Variants in CHD7 observed in about 807,000 individuals in gnomAD.
CHD7 encodes ATP-dependent chromatin remodeler CHD7.
In CHD7, 24 loss-of-function variants were observed where a neutral mutation model predicts 307.3. That is an observed-to-expected ratio of 0.08 (90% confidence interval 0.06 to 0.11). The LOEUF (loss-of-function observed/expected upper bound fraction) is 0.11. Among genes scored for constraint, CHD7 ranks in the 10% least tolerant of loss-of-function variants. The pLI, the probability that CHD7 is intolerant of heterozygous loss-of-function variation, is 1.00. For synonymous variants in CHD7, 1,363 were observed against 1,349.9 expected (o/e 1.01, Z -0.21); for missense variants, 3,106 against 3,727.1 (o/e 0.83, Z 4.34).
chr8:60,795,355 T>C (rs1811974410), intron 4 of CHD7, among the ~76,000 whole-genome samples: 1 of 152,226 alleles, frequency 6.6e-6, no homozygotes, highest in Non-Finnish European at 1.5e-5. Context: ...TTTGACTCTA[T>C]AATTAATAAG....
At position 60,822,584 on chromosome 8, in the gene CHD7, A is replaced by G; in HGVS notation, c.3039A>G (p.Lys1013=). ...CATTTCTCTATGAGATATATTTGAA[A>G]GGAATCCATGGCCCTTTTTTAGTAA... ...SITFLYEIYL[K]GIHGPFLVIA... is the part of the protein sequence containing the mutation. Residue 1013 remains lysine (K), a synonymous_variant, in exon 12 of 38, where the codon AAA becomes AAG. Transcript: ENST00000423902. 6.2e-7 allele frequency: 1 copy of G among 1,613,906 alleles called. No individual in the cohort carries two copies. Among genetic ancestry groups the G allele is most frequent in the Non-Finnish European group, 8.5e-7 (1 of 1,179,762 alleles).
rs1182352756 is a variant in CHD7, at chr8:60,851,072, C to T, written c.5575C>T (p.Pro1859Ser). The T allele has an allele frequency of 2.5e-6, 4 of 1,574,192 alleles. No individual in the cohort carries two copies. The highest frequency in any genetic ancestry group is 8.6e-7 in the Non-Finnish European group (1 of 1,158,730). ...DREDEDPEYKPTRTPFKDEID... is the reference protein window; with the variant it reads ...DREDEDPEYKSTRTPFKDEID... ...AGAAGATGAAGACCCAGAATATAAACCAACCAGAACACCGTTCAAAGATGA... is the reference window on the plus strand; with the variant it reads ...AGAAGATGAAGACCCAGAATATAAATCAACCAGAACACCGTTCAAAGATGA... Residue 1859 changes from proline (P) to serine (S), a missense_variant, in exon 27 of 38, where the codon CCA becomes TCA. Pro to Ser is a moderately conservative substitution (Grantham distance 74). Around this residue, in one of 10 missense-constraint regions of CHD7, gnomAD observed 1,030 missense variants for 1,165.4 expected, o/e 0.88. Coordinates refer to ENST00000423902, the MANE Select transcript of CHD7 (RefSeq NM_017780.4).
Position 60,856,029 on chromosome 8 carries a change from A to G in CHD7, c.6991A>G (p.Lys2331Glu), listed in dbSNP as rs1271202716. The change falls in exon 33 of 38, where the codon AAA (lysine) becomes GAA (glutamate). Residue 2331 changes from lysine (K) to glutamate (E), a missense_variant. Around this residue, in one of 10 missense-constraint regions of CHD7, gnomAD observed 1,030 missense variants for 1,165.4 expected, o/e 0.88. Transcript: ENST00000423902. ...DNICEAVLKG[K>E]WPVNRRQMFD... Reference sequence around the variant, plus strand: ...CATCTGTGAAGCAGTGTTGAAAGGCAAATGGCCAGTAAATAGGCGCCAGAT... The same window carrying G: ...CATCTGTGAAGCAGTGTTGAAAGGCGAATGGCCAGTAAATAGGCGCCAGAT... 2 of 1,611,726 alleles carry G rather than the reference A, an allele frequency of 1.2e-6. No individual in the cohort carries two copies. The highest frequency in any genetic ancestry group is 4.5e-5 in the East Asian group (2 of 44,856).
chr8:60,745,820 A>G (rs1289695332), intron 2 of CHD7, among the ~76,000 whole-genome samples: 1 of 152,118 alleles, frequency 6.6e-6, no homozygotes, highest in South Asian at 2.1e-4. Context: ...ACTTCTCTTT[A>G]CCTCAGATTT....
At chr8:60,770,974 C>A (rs1810680005) in intron 2 of CHD7, among the ~76,000 whole-genome samples, 2 of 152,190 alleles carry the variant, frequency 1.3e-5, no homozygotes, top group African/African-American at 4.8e-5. Flanking sequence ...AATCTTGATT[C>A]TTCTTATAAC....
At chr8:60,860,306 A>AC (rs778712049) in intron 34 of CHD7, among the ~76,000 whole-genome samples, 10 of 152,250 alleles carry the variant, frequency 6.6e-5, no homozygotes, top group South Asian at 2.1e-4. Context: ...CTCAGACTAT[A>AC]CCCCCCATGT....
chr8:60,866,076 T>C lies in CHD7; in HGVS notation c.*143T>C. 1 of 684,824 alleles carries C rather than the reference T, an allele frequency of 1.5e-6. No homozygotes were observed. Among genetic ancestry groups the C allele is most frequent in the East Asian group, 2.7e-5 (1 of 36,858 alleles). The allele number at this position is 684,824 out of a possible 1,614,324, so 42.4% of individuals were successfully genotyped here. On this transcript the variant is annotated 3_prime_UTR_variant, in exon 38 of 38. Coordinates refer to ENST00000423902, the MANE Select transcript of CHD7 (RefSeq NM_017780.4). ...AAAAAAAAAAGTTCAAGTCATGTTA[T>C]ACAGGTGTGTCAAAAGGTATCTTGG... is the stretch of plus-strand genomic sequence containing the variant.
intron 17 of CHD7, 70 bp downstream of exon 17, chr8:60,837,082 A>C: frequency 8.3e-7 from 1 of 1,211,598 alleles, no homozygotes; most frequent in Non-Finnish European, 1.2e-6. Context: ...AGAGAGTACC[A>C]GTCAGACCCA....
At chr8:60,838,033 A>T in intron 18 of CHD7, 43 bp from the exon 19 acceptor site, 1 of 1,395,638 alleles carries the variant, frequency 7.2e-7, no homozygotes, top group Non-Finnish European at 9.5e-7. Context: ...AAACCTCTTA[A>T]TTTTAAATTA....
chr8:60,680,220 G>A (rs993907459), intron 1 of CHD7, among the ~76,000 whole-genome samples: 1 of 151,760 alleles, frequency 6.6e-6, no homozygotes, highest in Admixed American at 6.6e-5. Context: ...GAACGGCCGA[G>A]GTGGCTGGAG....
rs371367716 is a variant in CHD7 at position 60,848,496 on chromosome 8, C to A, written c.5211-19C>A. 3 of 1,594,998 alleles carry A rather than the reference C, an allele frequency of 1.9e-6. No individual in the cohort carries two copies. Among genetic ancestry groups the A allele is most frequent in the East Asian group, 4.5e-5 (2 of 44,612 alleles). ...TCCTGAAGTTAAGAACTTTTTCCCC[C>A]CTCTGTCTTCCTCTCCAGGGTCCTG... On this transcript the variant is annotated intron_variant, in intron 23 of 37. Transcript: ENST00000423902.
intron 17 of CHD7, among the ~76,000 whole-genome samples, 155 bp downstream of exon 17, chr8:60,837,167 T>G (rs1244723344): frequency 6.6e-6 from 1 of 152,226 alleles, no homozygotes; most frequent in Non-Finnish European, 1.5e-5. Context: ...ATCTGTTGAT[T>G]AATAATGTGA....
At chr8:60,718,838 T>C (rs1275774361) in intron 1 of CHD7, among the ~76,000 whole-genome samples, 1 of 152,270 alleles carries the variant, frequency 6.6e-6, no homozygotes, top group African/African-American at 2.4e-5. Context: ...ACAAGCTCCA[T>C]TCATGGTAAG....
At chr8:60,829,199 C>T (rs1471019480) in intron 14 of CHD7, among the ~76,000 whole-genome samples, 1 of 152,218 alleles carries the variant, frequency 6.6e-6, no homozygotes, top group Non-Finnish European at 1.5e-5. Flanking sequence ...AGCATCTGTA[C>T]TCAGCCACAC....
Position 60,838,062 on chromosome 8 carries a change from T to C in CHD7, c.4354-14T>C. ...TAAATTATTTTGAGTATTTTAAATA[T>C]TTCTCTAAAACAGGTACAACAGCTT... On this transcript the variant is annotated splice_polypyrimidine_tract_variant and intron_variant, in intron 18 of 37. Coordinates refer to ENST00000423902, the MANE Select transcript of CHD7 (RefSeq NM_017780.4). 6.8e-7 allele frequency: 1 copy of C among 1,462,828 alleles called. No homozygotes were observed. The highest frequency in any genetic ancestry group is 9.1e-7 in the Non-Finnish European group (1 of 1,103,194). The allele number at this position is 1,462,828 out of a possible 1,614,324, so 90.6% of individuals were successfully genotyped here. A position where few individuals can be genotyped will look rare whatever the true frequency, so the allele number is the denominator to read the frequency against.
chr8:60,697,319 A>G (rs534195699), intron 1 of CHD7, among the ~76,000 whole-genome samples: 146 of 152,298 alleles, frequency 9.6e-4, no homozygotes, highest in Admixed American at 2.3e-3. Context: ...TTCAGGCTAT[A>G]TTTTCTTCAC....
chr8:60,706,232 ATTAT>A (rs1453160353), intron 1 of CHD7, among the ~76,000 whole-genome samples: 1 of 152,130 alleles, frequency 6.6e-6, no homozygotes, highest in African/African-American at 2.4e-5. Context: ...TTTGTGTGAA[ATTAT>A]TTAAAGTTTG....
intron 1 of CHD7, among the ~76,000 whole-genome samples, chr8:60,735,297 G>A (rs1022269946): frequency 2.0e-5 from 3 of 152,308 alleles, no homozygotes; most frequent in Middle Eastern, 3.4e-3. Flanking sequence ...ATAAGGCGTA[G>A]CGTTGCCCTA....
chr8:60,741,920 AGCAGCCACAGCC>A lies in CHD7; in HGVS notation c.497_508del (p.Gln166_Pro169del), dbSNP rs1281299742. The A allele has an allele frequency of 3.1e-6, 5 of 1,612,794 alleles. No homozygotes were observed. The highest frequency in any genetic ancestry group is 4.5e-5 in the East Asian group (2 of 44,856). On this transcript the variant is annotated inframe_deletion, in exon 2 of 38. Transcript: ENST00000423902. ...CAGATACGAGCCCCCTACCAGCAGCAGCAGCCACAGCCGCAGCCACCGCAGCCGGCTCCGTCG... is the reference window on the plus strand; with the variant it reads ...CAGATACGAGCCCCCTACCAGCAGCAGCAGCCACCGCAGCCGGCTCCGTCG...
Sources: allele counts gnomAD v4.1 joint callset (sites outside exome capture counted in the v4.1 genomes callset), GRCh38; gene constraint gnomAD v4.1.1; regional missense constraint gnomAD v4.1.1; transcripts MANE v1.5; gene names NCBI Gene and HGNC (gene_info 2026-07-23, HGNC 2026-07-21).